Variants in ENTPD1 observed in about 807,000 individuals in gnomAD.
ENTPD1 encodes the protein ATP diphosphohydrolase.
Under a neutral mutation model 57.0 loss-of-function variants are expected in ENTPD1, and 33 were observed. That is an observed-to-expected ratio of 0.58 (90% CI 0.44 to 0.77). ENTPD1 has a LOEUF of 0.77. Ranked by LOEUF, ENTPD1 falls within the 30% of genes least tolerant of loss-of-function variation. The pLI is 0.00. For synonymous variants in ENTPD1, 202 were observed against 218.8 expected (o/e 0.92, Z 0.68); for missense variants, 501 against 603.4 (o/e 0.83, Z 1.78).
intron 1 of ENTPD1, among the ~76,000 whole-genome samples, chr10:95,728,642 T>G (rs1427658368): frequency 1.3e-5 from 2 of 152,130 alleles, no homozygotes; most frequent in African/African-American, 4.8e-5. Flanking sequence ...GAGAGATCAG[T>G]TTTTACTGTG....
Position 95,869,178 on chromosome 10 carries a change from A to G in ENTPD1, c.*2795A>G. ...TGAGGAACCTTTTAAAGATTCCTTT[A>G]TAAGGTGGGAGTTTTTTTTCTATGA... On this transcript the variant is annotated 3_prime_UTR_variant, in exon 10 of 10. Transcript: ENST00000371205. The G allele has an allele frequency of 1.0e-6, 1 of 983,558 alleles. No individual in the cohort carries two copies. The highest frequency in any genetic ancestry group is 1.8e-5 in the African/African-American group (1 of 56,724). The allele number at this position is 983,558 out of a possible 1,614,324, so 60.9% of individuals were successfully genotyped here. A position where few individuals can be genotyped will look rare whatever the true frequency, so the allele number is the denominator to read the frequency against.
intron 1 of ENTPD1, among the ~76,000 whole-genome samples, chr10:95,714,148 A>C (rs2097968889): frequency 6.6e-6 from 1 of 152,000 alleles, no homozygotes; most frequent in African/African-American, 2.4e-5. Flanking sequence ...CCATCTCTAC[A>C]AAAAATACAA....
intron 1 of ENTPD1, among the ~76,000 whole-genome samples, chr10:95,747,027 A>G (rs189524808): frequency 4.2e-4 from 64 of 152,318 alleles, no homozygotes; most frequent in African/African-American, 1.5e-3. Context: ...CATAAAAAAG[A>G]TGGGGCATGG....
chr10:95,851,967 ATGG>A (rs1271455269), intron 7 of ENTPD1, among the ~76,000 whole-genome samples: 3 of 152,168 alleles, frequency 2.0e-5, no homozygotes, highest in Non-Finnish European at 4.4e-5. Flanking sequence ...GCTGGGTCAA[ATGG>A]TATTTCTAGT....
rs1000390222 is a variant in ENTPD1, at chr10:95,873,493, T to G, written c.*7110T>G. On this transcript the variant is annotated 3_prime_UTR_variant, in exon 10 of 10. Transcript: ENST00000371205. ...TTGCCCTGGTCTTCAGTGTATTAGA[T>G]GTATTACCTCCATGCTCTCAGTAGA... The G allele has an allele frequency of 1.0e-6, 1 of 985,372 alleles. No individual in the cohort carries two copies. Among genetic ancestry groups the G allele is most frequent in the African/African-American group, 1.7e-5 (1 of 57,236 alleles). The allele number at this position is 985,372 out of a possible 1,614,324, so 61.0% of individuals were successfully genotyped here. A position where few individuals can be genotyped will look rare whatever the true frequency, so the allele number is the denominator to read the frequency against.
At position 95,871,546 on chromosome 10, in the gene ENTPD1, A is replaced by C. The variant is rs1333065530; in HGVS notation, c.*5163A>C. On this transcript the variant is annotated 3_prime_UTR_variant, in exon 10 of 10. Coordinates refer to ENST00000371205, the MANE Select transcript of ENTPD1 (RefSeq NM_001776.6). Reference sequence around the variant, plus strand: ...AAATCTAATACAACTGAACACAATCAGTTTTATCACAGGTATAATGGATTT... The same window carrying C: ...AAATCTAATACAACTGAACACAATCCGTTTTATCACAGGTATAATGGATTT... 1 of 985,336 alleles carries C rather than the reference A, an allele frequency of 1.0e-6. No homozygotes were observed. The highest frequency in any genetic ancestry group is 1.1e-4 in the East Asian group (1 of 8,830). The allele number at this position is 985,336 out of a possible 1,614,324, so 61.0% of individuals were successfully genotyped here.
chr10:95,707,825 G>C (rs550744835), upstream of ENTPD1, among the ~76,000 whole-genome samples: 2 of 152,266 alleles, frequency 1.3e-5, no homozygotes, highest in South Asian at 4.1e-4. Context: ...GGCTAGTCTT[G>C]AACTCCTGAC....
upstream of ENTPD1, among the ~76,000 whole-genome samples, chr10:95,751,356 G>A (rs554881266): frequency 2.9e-4 from 44 of 152,350 alleles, no homozygotes; most frequent in Non-Finnish European, 4.4e-4. Flanking sequence ...TAAGATGTGG[G>A]ATGTGGGGAG....
At chr10:95,832,110 C>T (rs1032743568) in intron 2 of ENTPD1, among the ~76,000 whole-genome samples, 2 of 152,176 alleles carry the variant, frequency 1.3e-5, no homozygotes, top group Non-Finnish European at 2.9e-5. Context: ...AGTTTGCTGA[C>T]TCTGAATAGA....
At position 95,869,092 on chromosome 10, in the gene ENTPD1, C is replaced by T; in HGVS notation, c.*2709C>T. 2.0e-6 allele frequency: 2 copies of T among 985,276 alleles called. No homozygotes were observed. The highest frequency in any genetic ancestry group is 1.7e-5 in the African/African-American group (1 of 57,278). The allele number at this position is 985,276 out of a possible 1,614,324, so 61.0% of individuals were successfully genotyped here. A position where few individuals can be genotyped will look rare whatever the true frequency, so the allele number is the denominator to read the frequency against. On this transcript the variant is annotated 3_prime_UTR_variant, in exon 10 of 10. Transcript: ENST00000371205. ...TTGGCCATTGGTTATCACTGATTAC[C>T]ATTCTCCCCTGGATTTTCACCCAGG...
At chr10:95,726,644 C>T (rs1272281389) in intron 1 of ENTPD1, among the ~76,000 whole-genome samples, 1 of 152,180 alleles carries the variant, frequency 6.6e-6, no homozygotes, top group Non-Finnish European at 1.5e-5. Context: ...TACTGTAAGT[C>T]AAATTAGTTT....
At chr10:95,716,003 T>C (rs1402523734) in intron 1 of ENTPD1, among the ~76,000 whole-genome samples, 1 of 152,160 alleles carries the variant, frequency 6.6e-6, no homozygotes, top group Admixed American at 6.6e-5. Context: ...TAGCCGGGAC[T>C]ACAGATGTGT....
rs377670918 is a variant in ENTPD1 at position 95,756,694 on chromosome 10, T to C, written c.16+439T>C. On this transcript the variant is annotated intron_variant, in intron 1 of 9. Transcript: ENST00000371205. ...CTCGAATTTCTTGCATGCTTTCCTG[T>C]TGTGAAATTAGCAAAGGCTTCTTTG... The C allele has an allele frequency of 5.4e-5, 9 of 167,682 alleles. No homozygotes were observed. The East Asian group carries it at 1.5e-3, about 28-fold the overall frequency. The allele number at this position is 167,682 out of a possible 1,614,324, so 10.4% of individuals were successfully genotyped here. A position where few individuals can be genotyped will look rare whatever the true frequency, so the allele number is the denominator to read the frequency against.
At chr10:95,710,133 G>A (rs569401148), upstream of ENTPD1, among the ~76,000 whole-genome samples, 16 of 152,106 alleles carry the variant, frequency 1.1e-4, no homozygotes, top group South Asian at 2.1e-4. Context: ...GGCCAGGCAC[G>A]GTGGCTCATG....
At chr10:95,703,453 C>T in the ENTPD1 span, among the ~76,000 whole-genome samples, 1 of 152,252 alleles carries the variant, frequency 6.6e-6, no homozygotes, top group Admixed American at 6.5e-5. Flanking sequence ...TGAAGAAACA[C>T]TAAATACACA....
chr10:95,742,751 C>T lies in ENTPD1; in HGVS notation c.37+30758C>T, dbSNP rs544590787. Among the ~76,000 whole-genome samples the T allele has an allele frequency of 6.6e-5, 10 of 152,188 alleles. No individual in the cohort carries two copies. In the East Asian group the frequency reaches 1.7e-3, roughly 26 times the overall value. On this transcript the variant is annotated intron_variant, in intron 1 of 9. Coordinates refer to the ENTPD1 transcript ENST00000453258. ...AACAAATGCTTTTGCAAAATCATGTCGTCATTAAAGCAGTTACTTTAATAA... is the reference window on the plus strand; with the variant it reads ...AACAAATGCTTTTGCAAAATCATGTTGTCATTAAAGCAGTTACTTTAATAA...
intron 1 of ENTPD1, among the ~76,000 whole-genome samples, chr10:95,721,662 GC>G (rs1234937051): frequency 6.7e-6 from 1 of 148,342 alleles, no homozygotes; most frequent in Non-Finnish European, 1.5e-5. Context: ...GGGCGTTTTT[GC>G]CTTAGGGGTA....
intron 1 of ENTPD1, among the ~76,000 whole-genome samples, chr10:95,813,357 T>G (rs2098316216): frequency 1.3e-5 from 2 of 152,206 alleles, no homozygotes; most frequent in Admixed American, 1.3e-4. Flanking sequence ...GTTCAAAAAA[T>G]GGTGGTGACC....
chr10:95,842,207 C>A (rs1415866908), intron 3 of ENTPD1, 137 bp from the exon 4 acceptor site: 2 of 787,272 alleles, frequency 2.5e-6, no homozygotes, highest in Non-Finnish European at 2.0e-6. Context: ...CCTCTAAGTA[C>A]AATAACCTAA....
Sources: gnomAD v4.1 joint callset for allele counts (sites outside exome capture counted in the v4.1 genomes callset) on GRCh38, gnomAD v4.1.1 for gene constraint, MANE v1.5 for transcripts, NCBI Gene and HGNC (gene_info 2026-07-23, HGNC 2026-07-21) for gene names.